ZNF236: variants seen among roughly 807,000 people sequenced by gnomAD.
ZNF236 encodes zinc finger protein 236.
Under a neutral mutation model 191.2 loss-of-function variants are expected in ZNF236, and 50 were observed. The observed-to-expected ratio is 0.26, with a 90% CI of 0.21 to 0.33. The LOEUF (loss-of-function observed/expected upper bound fraction) is 0.33. Among genes scored for constraint, ZNF236 ranks in the 10% least tolerant of loss-of-function variants. ZNF236 has a pLI of 1.00. For synonymous variants in ZNF236, 907 were observed against 928.8 expected, an observed-to-expected ratio of 0.98 and a Z score of 0.43; for missense variants, 1,754 against 2,374.5, an observed-to-expected ratio of 0.74 and a Z score of 5.43.
At chr18:76,843,515 C>T (rs934866741) in intron 1 of ZNF236, among the ~76,000 whole-genome samples, 6 of 151,866 alleles carry the variant, frequency 4.0e-5, no homozygotes, top group Non-Finnish European at 7.4e-5. Flanking sequence ...CAGTGGCTCA[C>T]GCCTGTAATC....
chr18:76,923,945 T>C (rs1470543669), intron 21 of ZNF236, among the ~76,000 whole-genome samples: 1 of 152,242 alleles, frequency 6.6e-6, no homozygotes, highest in Non-Finnish European at 1.5e-5. Context: ...GCTGTTGTTA[T>C]AATGATTCAT....
chr18:76,968,497 CAT>C lies in ZNF236; in HGVS notation c.*160_*161del. 1.4e-6 allele frequency: 2 copies of C among 1,395,564 alleles called. No homozygotes were observed. Among genetic ancestry groups the C allele is most frequent in the Non-Finnish European group, 1.8e-6 (2 of 1,086,358 alleles). The allele number at this position is 1,395,564 out of a possible 1,614,324, so 86.4% of individuals were successfully genotyped here. ...AAAGAATCATTGTCTTTCAGAGACT[CAT>C]AGGAAAAAAAAACTAGGAAAAGTGT... On this transcript the variant is annotated 3_prime_UTR_variant, in exon 31 of 31. Coordinates refer to ENST00000320610, the MANE Select transcript of ZNF236 (RefSeq NM_001306089.2).
chr18:76,946,784 T>G (rs573851273), intron 26 of ZNF236, among the ~76,000 whole-genome samples: 43 of 152,330 alleles, frequency 2.8e-4, no homozygotes, highest in African/African-American at 7.9e-4. Flanking sequence ...GTAAGAAGAC[T>G]TACAGTAGTT....
Position 76,895,152 on chromosome 18 carries a change from C to T in ZNF236, c.1557C>T (p.Arg519=), listed in dbSNP as rs541536784. Residue 519 remains arginine (R), a synonymous_variant, in exon 10 of 31, where the codon CGC becomes CGT. Transcript: ENST00000320610. ...CCTTCAAGTGCCCGCAGTGCTTCCG[C>T]GCCTTCGCCGTGAAGAGCACGCTGA... is the stretch of plus-strand genomic sequence containing the variant. ...EKPFKCPQCF[R]AFAVKSTLTA... The T allele has an allele frequency of 1.3e-4, 210 of 1,609,060 alleles. No individual in the cohort carries two copies. In the Admixed American group the frequency reaches 3.1e-3, roughly 24 times the overall value.
At chr18:76,844,243 A>AG (rs1975610853) in intron 1 of ZNF236, among the ~76,000 whole-genome samples, 1 of 151,700 alleles carries the variant, frequency 6.6e-6, no homozygotes, top group African/African-American at 2.4e-5. Flanking sequence ...CCATCTCAAA[A>AG]AAAAAAAAAA....
At chr18:76,854,611 G>C (rs1165439073) in intron 3 of ZNF236, among the ~76,000 whole-genome samples, 1 of 151,012 alleles carries the variant, frequency 6.6e-6, no homozygotes, top group African/African-American at 2.4e-5. Context: ...TTGGCATCTG[G>C]ATTTAGCATA....
chr18:76,959,831 C>A lies in ZNF236; in HGVS notation c.5242+15C>A, dbSNP rs368307113. The A allele has an allele frequency of 1.2e-6, 2 of 1,611,110 alleles. No individual in the cohort carries two copies. The highest frequency in any genetic ancestry group is 1.7e-4 in the Middle Eastern group (1 of 5,970). On this transcript the variant is annotated intron_variant, in intron 29 of 30. Transcript: ENST00000320610. ...CATACATACAGGTAACGGGGAAGGA[C>A]GTGCTTTTGTTTCCTTACTCTTTGA...
At chr18:76,881,612 G>T (rs1176894001) in intron 9 of ZNF236, 100 bp downstream of exon 9, 5 of 1,062,370 alleles carry the variant, frequency 4.7e-6, no homozygotes, top group Non-Finnish European at 6.7e-6. Flanking sequence ...GATAGGATAT[G>T]TTTGTTGAAT....
intron 26 of ZNF236, among the ~76,000 whole-genome samples, chr18:76,941,790 T>C (rs907509959): frequency 1.3e-5 from 2 of 152,276 alleles, no homozygotes; most frequent in Non-Finnish European, 2.9e-5. Context: ...AATTGATTAA[T>C]TAGCATGCAT....
intron 26 of ZNF236, among the ~76,000 whole-genome samples, chr18:76,943,438 T>C (rs1968187834): frequency 6.6e-6 from 1 of 152,124 alleles, no homozygotes; most frequent in Admixed American, 6.5e-5. Flanking sequence ...ATGCAGAAAA[T>C]CTATTCAAGA....
At chr18:76,885,823 C>T (rs992658881) in intron 9 of ZNF236, 1 of 152,262 alleles carries the variant, frequency 6.6e-6, no homozygotes, top group African/African-American at 2.4e-5. Context: ...TGAGGAAGAA[C>T]ATGGGACCTC....
chr18:76,883,752 T>TGTTC (rs965909233), intron 9 of ZNF236, among the ~76,000 whole-genome samples: 27 of 152,182 alleles, frequency 1.8e-4, no homozygotes, highest in African/African-American at 6.5e-4. Context: ...TATATAAAGA[T>TGTTC]GTTCCTTTTA....
chr18:76,828,509 A>C (rs950887694), intron 1 of ZNF236, among the ~76,000 whole-genome samples: 1 of 152,174 alleles, frequency 6.6e-6, no homozygotes, highest in Non-Finnish European at 1.5e-5. Flanking sequence ...CAGAGCTGTA[A>C]TCCCCTCAGG....
intron 1 of ZNF236, among the ~76,000 whole-genome samples, chr18:76,830,834 C>T (rs868612265): frequency 2.0e-5 from 3 of 152,146 alleles, no homozygotes; most frequent in Non-Finnish European, 1.5e-5. Context: ...TATACTAATA[C>T]AGTTTTTATG....
At chr18:76,868,982 G>C (rs992801149) in intron 4 of ZNF236, 119 bp downstream of exon 4, 17 of 964,224 alleles carry the variant, frequency 1.8e-5, no homozygotes, top group South Asian at 3.4e-5. Context: ...GAACCCCACA[G>C]ATAATTTGGT....
intron 1 of ZNF236, among the ~76,000 whole-genome samples, chr18:76,825,188 A>C (rs1974981757): frequency 6.6e-6 from 1 of 152,198 alleles, no homozygotes; most frequent in Admixed American, 6.5e-5. Flanking sequence ...TGTGGCTCCA[A>C]GTGATTTAGC....
At chr18:76,932,136 A>G (rs893024658) in intron 25 of ZNF236, among the ~76,000 whole-genome samples, 4 of 152,202 alleles carry the variant, frequency 2.6e-5, no homozygotes, top group Non-Finnish European at 5.9e-5. Flanking sequence ...ACAAGTGACT[A>G]TAAAATTACA....
rs996514493 is a variant in ZNF236 at position 76,883,302 on chromosome 18, T to A, written c.1417+1790T>A. Among the ~76,000 whole-genome samples the A allele has an allele frequency of 6.6e-5, 10 of 151,378 alleles. No individual in the cohort carries two copies. The East Asian group carries it at 1.2e-3, about 18-fold the overall frequency. ...ACATGTAGAGTACTGAGCAAGTGCA[T>A]GCAGTTCTAATAATTTCCCATTACA... On this transcript the variant is annotated intron_variant, in intron 9 of 30. Transcript: ENST00000320610.
intron 30 of ZNF236, among the ~76,000 whole-genome samples, chr18:76,961,810 G>T (rs960793987): frequency 6.6e-6 from 1 of 152,038 alleles, no homozygotes; most frequent in African/African-American, 2.4e-5. Context: ...GCATTTTCCT[G>T]ATCATTAGTG....
Sources: allele counts gnomAD v4.1 joint callset (sites outside exome capture counted in the v4.1 genomes callset), GRCh38; gene constraint gnomAD v4.1.1; transcripts MANE v1.5; gene names NCBI Gene and HGNC (gene_info 2026-07-23, HGNC 2026-07-21).